The following CCDC63 variants were observed in gnomAD, a reference collection of about 807,000 sequenced individuals.
CCDC63 encodes the protein coiled-coil domain containing 63.
Under a neutral mutation model 63.6 loss-of-function variants are expected in CCDC63, and 54 were observed. The observed-to-expected ratio is 0.85, with a 90% CI of 0.68 to 1.07. The LOEUF (loss-of-function observed/expected upper bound fraction) is 1.07. Ranked by LOEUF, CCDC63 falls within the 50% of genes least tolerant of loss-of-function variation. CCDC63 has a pLI of 0.00. For missense variants in CCDC63, 637 were observed against 689.6 expected, an observed-to-expected ratio of 0.92 and a Z score of 0.86; for synonymous variants, 253 against 266.1, an observed-to-expected ratio of 0.95 and a Z score of 0.48.
intron 3 of CCDC63, among the ~76,000 whole-genome samples, chr12:110,858,291 G>A (rs779540629): frequency 3.3e-5 from 5 of 152,106 alleles, no homozygotes; most frequent in Admixed American, 6.5e-5. Context: ...AAAGGAGAAC[G>A]TGGGGGTTTC....
chr12:110,871,054 T>G (rs1414577761), intron 4 of CCDC63, among the ~76,000 whole-genome samples: 1 of 152,202 alleles, frequency 6.6e-6, no homozygotes, highest in African/African-American at 2.4e-5. Context: ...TCCAGAGACT[T>G]TGAATCTGTG....
chr12:110,875,099 A>G (rs1239172914), intron 5 of CCDC63, among the ~76,000 whole-genome samples: 1 of 152,178 alleles, frequency 6.6e-6, no homozygotes, highest in Non-Finnish European at 1.5e-5. Context: ...GGTGGGAGCT[A>G]ATTGGATCTG....
chr12:110,867,117 CA>C (rs1353768313), intron 4 of CCDC63, among the ~76,000 whole-genome samples: 3 of 123,238 alleles, frequency 2.4e-5, no homozygotes, highest in African/African-American at 6.1e-5. Context: ...GCTGGCCGGG[CA>C]GGGGGGCTGA....
chr12:110,904,242 TGAA>T (rs1410684758), intron 10 of CCDC63, among the ~76,000 whole-genome samples: 1 of 151,206 alleles, frequency 6.6e-6, no homozygotes, highest in African/African-American at 2.4e-5. Flanking sequence ...CTCGGAAGAC[TGAA>T]GCAGGAGAAT....
chr12:110,881,022 T>G, intron 6 of CCDC63, 93 bp from the exon 7 acceptor site: 1 of 1,123,452 alleles, frequency 8.9e-7, no homozygotes, highest in Non-Finnish European at 1.2e-6. Flanking sequence ...GTGATAGTCA[T>G]TCTCTAGGCA....
intron 11 of CCDC63, 129 bp downstream of exon 11, chr12:110,904,920 T>G: frequency 4.8e-6 from 3 of 622,498 alleles, no homozygotes; most frequent in Non-Finnish European, 7.8e-6. Flanking sequence ...TTATGAGCTC[T>G]TGTGGCCTGC....
At chr12:110,850,666 G>A (rs7973015) in intron 1 of CCDC63, among the ~76,000 whole-genome samples, 6,066 of 152,234 alleles carry the variant, frequency 0.04, 171 homozygotes, top group African/African-American at 0.072. Context: ...GCTTGAACCC[G>A]GGAGGCAGAG....
Position 110,881,179 on chromosome 12 carries a change from A to G in CCDC63, c.736A>G (p.Asn246Asp). Reference sequence around the variant, plus strand: ...CCAGAAGAAGGACACCTCTCAGTACAACCTGGAGATCCGAGAGCTGGAGCG... The same window carrying G: ...CCAGAAGAAGGACACCTCTCAGTACGACCTGGAGATCCGAGAGCTGGAGCG... ...DRQKKDTSQY[N>D]LEIRELERLY... Residue 246 changes from asparagine to aspartate, a missense_variant, in exon 7 of 12, where the codon AAC (asparagine) becomes GAC (aspartate). Transcript: ENST00000308208. 1 of 1,613,450 alleles carries G rather than the reference A, an allele frequency of 6.2e-7. No individual in the cohort carries two copies. Among genetic ancestry groups the G allele is most frequent in the Non-Finnish European group, 8.5e-7 (1 of 1,179,920 alleles).
At chr12:110,871,564 CT>C (rs1412580886) in intron 4 of CCDC63, among the ~76,000 whole-genome samples, 289 of 137,200 alleles carry the variant, frequency 2.1e-3, no homozygotes, top group Admixed American at 3.0e-3. Flanking sequence ...TCCTTCCTTC[CT>C]TTTTTTTTTT....
chr12:110,888,843 TTC>T, intron 8 of CCDC63, among the ~76,000 whole-genome samples: 1 of 93,240 alleles, frequency 1.1e-5, no homozygotes, highest in Admixed American at 1.1e-4. Flanking sequence ...CCTTCCTTCC[TTC>T]CTTCCTTCCT....
chr12:110,876,895 A>G (rs1243658792), intron 5 of CCDC63, among the ~76,000 whole-genome samples: 1 of 150,266 alleles, frequency 6.7e-6, no homozygotes, highest in Non-Finnish European at 1.5e-5. Flanking sequence ...AAAAAAAAAA[A>G]TAGCTGAGTG....
intron 5 of CCDC63, 100 bp downstream of exon 5, chr12:110,874,061 C>A: frequency 6.9e-7 from 1 of 1,442,258 alleles, no homozygotes; most frequent in African/African-American, 1.4e-5. Flanking sequence ...ATACCCATTT[C>A]CCTGGTTGAC....
chr12:110,857,356 ACCT>A (rs1393378455), intron 3 of CCDC63, among the ~76,000 whole-genome samples: 1 of 144,978 alleles, frequency 6.9e-6, no homozygotes, highest in Non-Finnish European at 1.5e-5. Context: ...CGAACTCCTG[ACCT>A]CATGATCCAC....
At chr12:110,868,477 C>T (rs892444607) in intron 4 of CCDC63, among the ~76,000 whole-genome samples, 36 of 150,360 alleles carry the variant, frequency 2.4e-4, no homozygotes, top group Admixed American at 2.1e-3. Flanking sequence ...CGTCTGCAAT[C>T]CCGGCACCTC....
At chr12:110,850,757 A>G (rs966289244) in intron 1 of CCDC63, among the ~76,000 whole-genome samples, 1 of 152,172 alleles carries the variant, frequency 6.6e-6, no homozygotes, top group Admixed American at 6.5e-5. Context: ...AAGTAAATAA[A>G]TAAATAAAAA....
chr12:110,904,563 C>G, intron 10 of CCDC63, 25 bp from the exon 11 acceptor site: 1 of 1,612,226 alleles, frequency 6.2e-7, no homozygotes, highest in Non-Finnish European at 8.5e-7. Flanking sequence ...CGGCAGCCAT[C>G]TTGGTCCTGC....
intron 4 of CCDC63, among the ~76,000 whole-genome samples, chr12:110,867,191 C>T (rs2070969655): frequency 7.0e-6 from 1 of 142,066 alleles, no homozygotes; most frequent in African/African-American, 2.6e-5. Context: ...CCCCCACCTC[C>T]CTCCCGGACG....
At chr12:110,865,434 AT>A (rs569238095) in intron 4 of CCDC63, among the ~76,000 whole-genome samples, 5 of 149,286 alleles carry the variant, frequency 3.3e-5, no homozygotes, top group Non-Finnish European at 3.0e-5. Flanking sequence ...TTGACAACAT[AT>A]TAATAATTGA....
At chr12:110,875,169 A>C (rs1297122261) in intron 5 of CCDC63, among the ~76,000 whole-genome samples, 1 of 152,162 alleles carries the variant, frequency 6.6e-6, no homozygotes, top group Non-Finnish European at 1.5e-5. Context: ...TTTAATATCC[A>C]TGCCCAGTGA....
Sources: allele counts gnomAD v4.1 joint callset (sites outside exome capture counted in the v4.1 genomes callset), GRCh38; gene constraint gnomAD v4.1.1; transcripts MANE v1.5; gene names NCBI Gene and HGNC (gene_info 2026-07-23, HGNC 2026-07-21).